Variants in CPXM2 observed in about 807,000 individuals in gnomAD.
CPXM2 encodes the protein carboxypeptidase X, M14 family member 2, also known as inactive carboxypeptidase-like protein X2.
In CPXM2, 66 loss-of-function variants were observed where a neutral mutation model predicts 86.1. The observed-to-expected ratio is 0.77, with a 90% CI of 0.63 to 0.94. CPXM2 has a LOEUF of 0.94. CPXM2 is among the 40% of genes least tolerant of loss of function. The probability of loss-of-function intolerance (pLI) is 0.00; values close to 1 mark genes in which losing one functional copy is unlikely to be tolerated. For missense variants in CPXM2, 948 were observed against 1,026.3 expected, an observed-to-expected ratio of 0.92 and a Z score of 1.04; for synonymous variants, 388 against 400.2, an observed-to-expected ratio of 0.97 and a Z score of 0.36.
chr10:123,934,777 A>C (rs1213025623), intron 2 of CPXM2, among the ~76,000 whole-genome samples: 3 of 151,598 alleles, frequency 2.0e-5, no homozygotes, highest in Non-Finnish European at 1.5e-5. Context: ...CTTTCTCCCC[A>C]CCCATTTCCT....
At chr10:123,791,298 C>T (rs1847201518) in intron 6 of CPXM2, among the ~76,000 whole-genome samples, 1 of 152,152 alleles carries the variant, frequency 6.6e-6, no homozygotes, top group Non-Finnish European at 1.5e-5. Context: ...TGCCTGTAAT[C>T]CCAGCTACTC....
At chr10:123,926,782 C>G (rs1590125917) in intron 2 of CPXM2, among the ~76,000 whole-genome samples, 1 of 152,206 alleles carries the variant, frequency 6.6e-6, no homozygotes, top group Non-Finnish European at 1.5e-5. Flanking sequence ...AGCAGAAAGA[C>G]AGGAAGACAA....
At chr10:123,869,651 C>T (rs1479617155) in intron 2 of CPXM2, among the ~76,000 whole-genome samples, 1 of 152,128 alleles carries the variant, frequency 6.6e-6, no homozygotes, top group African/African-American at 2.4e-5. Context: ...GCGAGCATGG[C>T]GTCCTCTGCC....
intron 3 of CPXM2, among the ~76,000 whole-genome samples, chr10:123,854,406 TTATATATAAAA>T (rs1848673117): frequency 1.8e-5 from 2 of 113,802 alleles, no homozygotes; most frequent in East Asian, 4.4e-4. Flanking sequence ...TATATATATA[TTATATATAAAA>T]TATATAATAT....
At chr10:123,863,804 C>T (rs1848913855) in intron 2 of CPXM2, among the ~76,000 whole-genome samples, 1 of 152,220 alleles carries the variant, frequency 6.6e-6, no homozygotes, top group African/African-American at 2.4e-5. Context: ...TCCCACACCC[C>T]GTCACTCTCT....
chr10:123,897,429 C>T (rs939804921), intron 2 of CPXM2, among the ~76,000 whole-genome samples: 2 of 152,116 alleles, frequency 1.3e-5, no homozygotes, highest in Non-Finnish European at 2.9e-5. Flanking sequence ...AACAAATGAT[C>T]GAGTCAGTTG....
At chr10:123,850,774 G>C (rs151003956) in intron 3 of CPXM2, among the ~76,000 whole-genome samples, 2 of 152,068 alleles carry the variant, frequency 1.3e-5, no homozygotes, top group Non-Finnish European at 2.9e-5. Flanking sequence ...TAAGATCTAC[G>C]GTAAGAATGA....
intron 3 of CPXM2, among the ~76,000 whole-genome samples, chr10:123,848,064 T>C (rs1848534004): frequency 6.6e-6 from 1 of 152,252 alleles, no homozygotes; most frequent in South Asian, 2.1e-4. Flanking sequence ...AAGTGATAGT[T>C]ATTTTAAAAT....
At chr10:123,818,902 G>C (rs1174999826) in intron 4 of CPXM2, among the ~76,000 whole-genome samples, 1 of 152,120 alleles carries the variant, frequency 6.6e-6, no homozygotes, top group Non-Finnish European at 1.5e-5. Flanking sequence ...TCAAGGGGTG[G>C]AAGTGGAAGT....
At chr10:123,830,222 T>C (rs1299367293) in intron 4 of CPXM2, among the ~76,000 whole-genome samples, 1 of 152,188 alleles carries the variant, frequency 6.6e-6, no homozygotes, top group Non-Finnish European at 1.5e-5. Context: ...AAGGGAATAA[T>C]TGGGGAAATA....
rs964591379 is a variant in CPXM2, at chr10:123,751,945, A to C, written c.2017+2718T>G. On this transcript the variant is annotated intron_variant, in intron 13 of 13. Transcript: ENST00000241305. ...TGATTGCAGGGGCTTGAAACTCAGC[A>C]CCCATTAGGCAAAGTATTCTATCTT... 5 of 985,170 alleles carry C rather than the reference A, an allele frequency of 5.1e-6. No individual in the cohort carries two copies. In the African/African-American group the frequency reaches 8.7e-5, roughly 17 times the overall value. The allele number at this position is 985,170 out of a possible 1,614,324, so 61.0% of individuals were successfully genotyped here. A position where few individuals can be genotyped will look rare whatever the true frequency, so the allele number is the denominator to read the frequency against.
intron 2 of CPXM2, among the ~76,000 whole-genome samples, chr10:123,902,177 C>A (rs1945388382): frequency 2.0e-5 from 3 of 152,178 alleles, no homozygotes; most frequent in Admixed American, 2.0e-4. Context: ...TAAAGAGCTT[C>A]TAAATGGGGT....
chr10:123,766,985 C>T lies in CPXM2; in HGVS notation c.1467G>A (p.Ser489=), dbSNP rs149053435. ...HYIAIPEWFL[S]ENATVAAETR... ...TATTTTGACTCACCGTGGCATTTTC[C>T]GACAGAAACCACTCAGGGATTGCAA... Residue 489 remains serine, a synonymous_variant, in exon 10 of 14, where the codon TCG becomes TCA. Coordinates refer to ENST00000241305, the MANE Select transcript of CPXM2 (RefSeq NM_198148.3). The T allele has an allele frequency of 1.1e-4, 175 of 1,613,654 alleles. 1 individual carries two copies. In the African/African-American group the frequency reaches 1.4e-3, roughly 13 times the overall value.
At chr10:123,816,350 A>C (rs998750003) in intron 4 of CPXM2, among the ~76,000 whole-genome samples, 4 of 152,218 alleles carry the variant, frequency 2.6e-5, no homozygotes, top group Non-Finnish European at 5.9e-5. Context: ...GAGGGCTATT[A>C]TGGTGAGAAA....
chr10:123,767,896 T>C (rs929839863), intron 9 of CPXM2, among the ~76,000 whole-genome samples: 1 of 152,200 alleles, frequency 6.6e-6, no homozygotes, highest in Non-Finnish European at 1.5e-5. Flanking sequence ...ACACATGCCA[T>C]GATTAAGTCC....
chr10:123,827,444 T>A (rs138971986), intron 4 of CPXM2, among the ~76,000 whole-genome samples: 2 of 152,214 alleles, frequency 1.3e-5, no homozygotes, highest in East Asian at 3.9e-4. Flanking sequence ...GCAAACAATA[T>A]CATTTACAAT....
At chr10:123,859,670 G>A (rs567491920) in intron 3 of CPXM2, among the ~76,000 whole-genome samples, 1 of 152,288 alleles carries the variant, frequency 6.6e-6, no homozygotes, top group Admixed American at 6.5e-5. Context: ...AAAGCATCAG[G>A]GTAAATAAGA....
intron 2 of CPXM2, among the ~76,000 whole-genome samples, chr10:123,878,678 A>C (rs571494261): frequency 7.8e-4 from 119 of 152,180 alleles, no homozygotes; most frequent in Admixed American, 1.6e-3. Flanking sequence ...TCTGGGCAAA[A>C]TATGTTTAAA....
intron 2 of CPXM2, among the ~76,000 whole-genome samples, chr10:123,877,558 T>G (rs1336779999): frequency 6.6e-6 from 1 of 152,062 alleles, no homozygotes; most frequent in East Asian, 1.9e-4. Flanking sequence ...AAGAGACAAA[T>G]GGAAACAACC....
Sources: allele counts gnomAD v4.1 joint callset (sites outside exome capture counted in the v4.1 genomes callset), GRCh38; gene constraint gnomAD v4.1.1; transcripts MANE v1.5; gene names NCBI Gene and HGNC (gene_info 2026-07-23, HGNC 2026-07-21).